The following CAST variants were observed in gnomAD, a reference collection of about 807,000 sequenced individuals.
The protein encoded by CAST is MIR583 host.
Under a neutral mutation model 119.6 loss-of-function variants are expected in CAST, and 76 were observed. The observed-to-expected ratio is 0.64, with a 90% CI of 0.53 to 0.77. The LOEUF is 0.77. CAST is among the 30% of genes least tolerant of loss of function. The pLI, the probability that CAST is intolerant of heterozygous loss-of-function variation, is 0.00. For synonymous variants in CAST, 319 were observed against 331.6 expected, an observed-to-expected ratio of 0.96 and a Z score of 0.41; for missense variants, 953 against 946.5, an observed-to-expected ratio of 1.01 and a Z score of -0.09.
At chr5:96,533,235 A>ATATAAAT (rs1745723468) in intron 1 of CAST, among the ~76,000 whole-genome samples, 1 of 152,172 alleles carries the variant, frequency 6.6e-6, no homozygotes, top group Non-Finnish European at 1.5e-5. Context: ...ATTTACTAAC[A>ATATAAAT]TATAAATTTT....
At chr5:96,733,674 T>A (rs930056456) in intron 9 of CAST, among the ~76,000 whole-genome samples, 4 of 152,124 alleles carry the variant, frequency 2.6e-5, no homozygotes, top group Admixed American at 1.3e-4. Context: ...GGTCAGGAGC[T>A]CAAGACCAGC....
At chr5:96,005,800 T>A in the CAST span, among the ~76,000 whole-genome samples, 24 of 152,240 alleles carry the variant, frequency 1.6e-4, no homozygotes, top group South Asian at 2.1e-3. Flanking sequence ...AATATATTTT[T>A]AAAAATCTAA....
chr5:96,520,712 G>A (rs1320746795), upstream of CAST, among the ~76,000 whole-genome samples: 1 of 152,096 alleles, frequency 6.6e-6, no homozygotes, highest in Non-Finnish European at 1.5e-5. Flanking sequence ...CTGAATAAAT[G>A]TCTAACTATC....
chr5:96,122,596 AGGT>A, the CAST span, among the ~76,000 whole-genome samples: 1 of 152,122 alleles, frequency 6.6e-6, no homozygotes, highest in Non-Finnish European at 1.5e-5. Flanking sequence ...TTCGGGCTGG[AGGT>A]GGTTCTCTTG....
intron 6 of CAST, chr5:96,728,643 A>AT (rs911363786): frequency 4.6e-5 from 7 of 152,194 alleles, no homozygotes; most frequent in African/African-American, 1.5e-4. Context: ...AGCCTGGCTC[A>AT]TTTTTTTGTA....
At chr5:96,146,015 T>G in the CAST span, among the ~76,000 whole-genome samples, 1 of 152,162 alleles carries the variant, frequency 6.6e-6, no homozygotes, top group Non-Finnish European at 1.5e-5. Context: ...CCTCTTAAAG[T>G]CTAGGCTTAC....
At chr5:96,291,928 C>G in the CAST span, among the ~76,000 whole-genome samples, 1 of 149,212 alleles carries the variant, frequency 6.7e-6, no homozygotes, top group Non-Finnish European at 1.5e-5. Context: ...ATCTTTCTTT[C>G]CTGTTTCTTC....
At chr5:96,752,485 G>A (rs1765270134) in intron 20 of CAST, among the ~76,000 whole-genome samples, 1 of 146,460 alleles carries the variant, frequency 6.8e-6, no homozygotes, top group African/African-American at 2.5e-5. Context: ...TGATTAGAGT[G>A]TTGCAACTCT....
chr5:96,164,227 T>C, the CAST span, among the ~76,000 whole-genome samples: 2 of 152,192 alleles, frequency 1.3e-5, no homozygotes, highest in African/African-American at 4.8e-5. Context: ...ACAAGGTATG[T>C]TGTACGTAAA....
chr5:96,167,513 A>C, the CAST span, among the ~76,000 whole-genome samples: 1 of 152,228 alleles, frequency 6.6e-6, no homozygotes, highest in Non-Finnish European at 1.5e-5. Flanking sequence ...AATTCTGAGA[A>C]GGGCAAGTGG....
chr5:95,966,758 C>G, the CAST span, among the ~76,000 whole-genome samples: 1 of 152,090 alleles, frequency 6.6e-6, no homozygotes. Context: ...TCATTAATAC[C>G]TTTTTAGCTT....
rs1554067789 is a variant in CAST, at chr5:96,561,796, G to GTTTTTTTTTTGT, written c.60+31926_60+31927insGTTTTTTTTTTT. Among the ~76,000 whole-genome samples the GTTTTTTTTTTGT allele has an allele frequency of 3.9e-3, 379 of 97,382 alleles. 27 individuals carry two copies. The highest frequency in any genetic ancestry group is 0.013 in the African/African-American group (351 of 26,010). The allele number at this position is 97,382 out of a possible 152,430, so 63.9% of individuals were successfully genotyped here. A position where few individuals can be genotyped will look rare whatever the true frequency, so the allele number is the denominator to read the frequency against. On this transcript the variant is annotated intron_variant, in intron 1 of 11. Coordinates refer to the CAST transcript ENST00000505143. ...GTGTATTATATATATGTTTTTTTTT[G>GTTTTTTTTTTGT]TTTTTTTTTTTTTTGAGACGGAGTC... is the stretch of plus-strand genomic sequence containing the variant.
intron 1 of CAST, among the ~76,000 whole-genome samples, chr5:96,615,190 A>G (rs148380816): frequency 6.6e-6 from 1 of 152,348 alleles, no homozygotes; most frequent in East Asian, 1.9e-4. Flanking sequence ...AGGCTATTGT[A>G]ATTGTTGGAG....
At chr5:96,662,322 T>TCCCCCCCCCCCCCCCCCC, upstream of CAST, 1 of 567,042 alleles carries the variant, frequency 1.8e-6, no homozygotes, top group South Asian at 3.5e-5. Flanking sequence ...GGCCCTCCGC[T>TCCCCCCCCCCCCCCCCCC]CCCTCCCTCC....
chr5:96,482,854 A>G, the CAST span, among the ~76,000 whole-genome samples: 7 of 152,118 alleles, frequency 4.6e-5, no homozygotes, highest in African/African-American at 1.7e-4. Context: ...CGGGGAAAAA[A>G]TCCTGTTAAA....
At chr5:96,168,958 G>A in the CAST span, among the ~76,000 whole-genome samples, 2 of 152,274 alleles carry the variant, frequency 1.3e-5, no homozygotes, top group East Asian at 3.9e-4. Flanking sequence ...AAGTATTAAG[G>A]AGCAGCAGCC....
At chr5:96,411,785 C>T in the CAST span, among the ~76,000 whole-genome samples, 3 of 152,270 alleles carry the variant, frequency 2.0e-5, no homozygotes, top group Non-Finnish European at 4.4e-5. Context: ...CAACCTCAGA[C>T]CCAAATAGGG....
the CAST span, among the ~76,000 whole-genome samples, chr5:96,158,754 A>G: frequency 6.6e-6 from 1 of 152,214 alleles, no homozygotes; most frequent in Admixed American, 6.5e-5. Flanking sequence ...GTGGCTAAAC[A>G]CAAGGGGAGA....
chr5:96,608,220 A>C (rs535349498), intron 1 of CAST, among the ~76,000 whole-genome samples: 33 of 152,130 alleles, frequency 2.2e-4, no homozygotes, highest in Admixed American at 4.6e-4. Context: ...TGCCTGGTTT[A>C]TTTTACTTAA....
Sources: gnomAD v4.1 joint callset for allele counts (sites outside exome capture counted in the v4.1 genomes callset) on GRCh38, gnomAD v4.1.1 for gene constraint, MANE v1.5 for transcripts, NCBI Gene and HGNC (gene_info 2026-07-23, HGNC 2026-07-21) for gene names.